AFAP1L2: variants seen among roughly 807,000 people sequenced by gnomAD.
AFAP1L2 encodes the protein actin filament-associated protein 1-like 2.
In AFAP1L2, 46 loss-of-function variants were observed where a neutral mutation model predicts 99.3. That is an observed-to-expected ratio of 0.46 (90% CI 0.37 to 0.59). The LOEUF (loss-of-function observed/expected upper bound fraction) is 0.59. Ranked by LOEUF, AFAP1L2 falls within the 20% of genes least tolerant of loss-of-function variation. The probability of loss-of-function intolerance (pLI) is 0.00; values close to 1 mark genes in which losing one functional copy is unlikely to be tolerated. For missense variants in AFAP1L2, 959 were observed against 1,034.9 expected (o/e 0.93, Z 1.01); for synonymous variants, 397 against 419.1 (o/e 0.95, Z 0.64).
chr10:114,347,624 C>A (rs1208651780), intron 1 of AFAP1L2, among the ~76,000 whole-genome samples: 2 of 151,976 alleles, frequency 1.3e-5, no homozygotes, highest in Non-Finnish European at 2.9e-5. Flanking sequence ...CCACTTGAGA[C>A]TATATGGTCT....
chr10:114,375,667 T>TGCCCTAA (rs2054698594), intron 1 of AFAP1L2, among the ~76,000 whole-genome samples: 1 of 152,188 alleles, frequency 6.6e-6, no homozygotes, highest in African/African-American at 2.4e-5. Context: ...TTCCAACTCA[T>TGCCCTAA]GCCCTAAGAC....
intron 5 of AFAP1L2, among the ~76,000 whole-genome samples, chr10:114,315,971 GC>G (rs1206734246): frequency 1.3e-5 from 2 of 152,200 alleles, no homozygotes; most frequent in Non-Finnish European, 2.9e-5. Flanking sequence ...CTTCTTGGAT[GC>G]TGCCTGTGGC....
chr10:114,296,795 G>T, intron 18 of AFAP1L2, 183 bp downstream of exon 18: 1 of 925,314 alleles, frequency 1.1e-6, no homozygotes, highest in Non-Finnish European at 1.6e-6. Context: ...ACACCTTTCT[G>T]GTTGGTCAGT....
chr10:114,314,897 CT>C lies in AFAP1L2; in HGVS notation c.612+662del, dbSNP rs552310424. On this transcript the variant is annotated intron_variant, in intron 6 of 18. Transcript: ENST00000304129. The stretch of plus-strand genomic sequence containing the variant: ...GTGGCTCACGCCTGTAAACCCAGCA[CT>C]TTGGGAGGCTGAGGCAGGCAGATCA... 3.9e-5 allele frequency among the ~76,000 whole-genome samples: 6 copies of C among 152,288 alleles called. No individual in the cohort carries two copies. The South Asian group carries it at 1.0e-3, about 26-fold the overall frequency.
At chr10:114,338,061 A>T (rs1337420318) in intron 2 of AFAP1L2, among the ~76,000 whole-genome samples, 1 of 152,210 alleles carries the variant, frequency 6.6e-6, no homozygotes, top group Non-Finnish European at 1.5e-5. Context: ...CTCTGATGAG[A>T]GGCTAAGGCA....
chr10:114,290,714 AG>A (rs1210900659), downstream of AFAP1L2, among the ~76,000 whole-genome samples: 2 of 141,106 alleles, frequency 1.4e-5, no homozygotes, highest in Non-Finnish European at 3.1e-5. Flanking sequence ...TTAGGAGCAC[AG>A]TAGATCCAGG....
chr10:114,311,405 T>C (rs2043218355), intron 7 of AFAP1L2, among the ~76,000 whole-genome samples: 2 of 152,176 alleles, frequency 1.3e-5, no homozygotes, highest in African/African-American at 4.8e-5. Flanking sequence ...TAGAGCAGTT[T>C]GTGGAAATGG....
intron 16 of AFAP1L2, among the ~76,000 whole-genome samples, chr10:114,298,895 C>T (rs740485): frequency 0.66 from 100,535 of 152,060 alleles, 37,742 homozygotes; most frequent in Non-Finnish European, 0.83. Flanking sequence ...CTCCAGTCAG[C>T]CAACCAGAGC....
At chr10:114,305,830 C>G (rs1384866375) in intron 10 of AFAP1L2, among the ~76,000 whole-genome samples, 587 of 33,454 alleles carry the variant, frequency 0.018, no homozygotes, top group Middle Eastern at 0.079. Context: ...GGAGGCAGAT[C>G]CAGGAGGGGA....
At chr10:114,298,694 A>G (rs2040635659) in intron 16 of AFAP1L2, among the ~76,000 whole-genome samples, 1 of 152,124 alleles carries the variant, frequency 6.6e-6, no homozygotes, top group Non-Finnish European at 1.5e-5. Flanking sequence ...ATATTTTTTT[A>G]ATTTTGAAAT....
chr10:114,297,035 C>A lies in AFAP1L2; in HGVS notation c.2373G>T (p.Lys791Asn). 2 of 1,614,104 alleles carry A rather than the reference C, an allele frequency of 1.2e-6. No individual in the cohort carries two copies. Among genetic ancestry groups the A allele is most frequent in the Non-Finnish European group, 1.7e-6 (2 of 1,180,034 alleles). ...CTPVNSATTL[K>N]NRPLSVVVTG... is the part of the protein sequence containing the mutation. ...TGACCACGACCGAGAGAGGCCTGTT[C>A]TTGAGTGTGGTTGCAGAGTTGACTG... Residue 791 changes from lysine (K) to asparagine (N), a missense_variant, in exon 18 of 19, where the codon AAG becomes AAT. By Grantham distance (94) the Lys-to-Asn change is moderately conservative. Coordinates refer to ENST00000304129, the MANE Select transcript of AFAP1L2 (RefSeq NM_001001936.3).
intron 12 of AFAP1L2, 124 bp downstream of exon 12, chr10:114,302,215 C>T: frequency 7.2e-7 from 1 of 1,385,234 alleles, no homozygotes; most frequent in Non-Finnish European, 1.0e-6. Context: ...TTCACATTTT[C>T]CTGCTGCTGG....
intron 5 of AFAP1L2, among the ~76,000 whole-genome samples, chr10:114,316,236 G>T (rs754389923): frequency 6.6e-6 from 1 of 152,224 alleles, no homozygotes; most frequent in African/African-American, 2.4e-5. Flanking sequence ...AACGCCATCC[G>T]TGCTCCACCT....
intron 2 of AFAP1L2, among the ~76,000 whole-genome samples, chr10:114,337,065 G>A (rs1590285476): frequency 6.6e-6 from 1 of 152,356 alleles, no homozygotes; most frequent in South Asian, 2.1e-4. Context: ...TTTGGGTAGA[G>A]GTGGGCCTGG....
intron 1 of AFAP1L2, among the ~76,000 whole-genome samples, chr10:114,390,303 G>A (rs945000159): frequency 6.6e-6 from 1 of 152,172 alleles, no homozygotes; most frequent in Non-Finnish European, 1.5e-5. Flanking sequence ...CACCTAGACT[G>A]CTTCCCATTC....
chr10:114,322,124 G>A (rs946277332), intron 5 of AFAP1L2, among the ~76,000 whole-genome samples: 2 of 152,156 alleles, frequency 1.3e-5, no homozygotes, highest in Non-Finnish European at 1.5e-5. Flanking sequence ...CATGTAAGAC[G>A]TCTTTGCTCT....
chr10:114,313,933 T>C lies in AFAP1L2; in HGVS notation c.730A>G (p.Met244Val), dbSNP rs2043680658. The change falls in exon 7 of 19, where the codon ATG (methionine) becomes GTG (valine). Residue 244 changes from methionine to valine, a missense_variant. By Grantham distance (21) the Met-to-Val change is conservative. Around this residue, in one of 2 missense-constraint regions of AFAP1L2, gnomAD observed 383 missense variants for 472.8 expected, o/e 0.81. Transcript: ENST00000304129. ...KKEHKLKITP[M>V]NADVIVLGLQ... is the part of the protein sequence containing the mutation. Reference sequence around the variant, plus strand: ...CCCAGCACAATCACATCGGCATTCATCGGCGTGATCTTCAGCTTGTGCTCC... The same window carrying C: ...CCCAGCACAATCACATCGGCATTCACCGGCGTGATCTTCAGCTTGTGCTCC... The C allele has an allele frequency of 6.2e-7, 1 of 1,614,034 alleles. No homozygotes were observed. Among genetic ancestry groups the C allele is most frequent in the Non-Finnish European group, 8.5e-7 (1 of 1,180,000 alleles).
chr10:114,322,035 G>A (rs1022278833), intron 5 of AFAP1L2, among the ~76,000 whole-genome samples: 11 of 152,264 alleles, frequency 7.2e-5, no homozygotes, highest in South Asian at 4.1e-4. Flanking sequence ...TGCTGTTCTC[G>A]TGATAGTGAA....
intron 1 of AFAP1L2, among the ~76,000 whole-genome samples, chr10:114,385,267 C>T (rs2056348810): frequency 6.6e-6 from 1 of 152,152 alleles, no homozygotes; most frequent in Non-Finnish European, 1.5e-5. Flanking sequence ...GCTATTTCAT[C>T]AGGCCAGGGA....
Sources: gnomAD v4.1 joint callset for allele counts (sites outside exome capture counted in the v4.1 genomes callset) on GRCh38, gnomAD v4.1.1 for gene constraint, gnomAD v4.1.1 regional missense constraint, MANE v1.5 for transcripts, NCBI Gene and HGNC (gene_info 2026-07-23, HGNC 2026-07-21) for gene names.